Variants in MSH4 observed in about 807,000 individuals in gnomAD.
MSH4 encodes mutS homolog 4.
Under a neutral mutation model 113.7 loss-of-function variants are expected in MSH4, and 106 were observed. The ratio of observed to expected loss-of-function variants is 0.93; its 90% CI spans 0.80 to 1.10. The LOEUF (loss-of-function observed/expected upper bound fraction) is 1.10. Ranked by LOEUF, MSH4 falls within the 50% of genes least tolerant of loss-of-function variation. The pLI, the probability that MSH4 is intolerant of heterozygous loss-of-function variation, is 0.00. For missense variants in MSH4, 1,061 were observed against 1,093.7 expected (o/e 0.97, Z 0.42); for synonymous variants, 368 against 380.2 (o/e 0.97, Z 0.37).
intron 7 of MSH4, 49 bp downstream of exon 7, chr1:75,822,630 A>T (rs776487206): frequency 1.0e-6 from 1 of 963,394 alleles, no homozygotes; most frequent in South Asian, 2.9e-5. Context: ...TGAAAAATAC[A>T]GTTGGCTTAG....
chr1:75,885,459 ATG>A (rs1320896301), intron 15 of MSH4, among the ~76,000 whole-genome samples: 1 of 41,626 alleles, frequency 2.4e-5, no homozygotes, highest in African/African-American at 1.2e-4. Flanking sequence ...ATATATATAT[ATG>A]TATATATACA....
At chr1:75,898,766 A>AT (rs1482409965) in intron 18 of MSH4, among the ~76,000 whole-genome samples, 1 of 152,160 alleles carries the variant, frequency 6.6e-6, no homozygotes, top group Admixed American at 6.6e-5. Flanking sequence ...TGGTCTGTAC[A>AT]TACAAGTTTC....
At chr1:75,860,088 G>A (rs1651418458) in intron 8 of MSH4, among the ~76,000 whole-genome samples, 1 of 151,608 alleles carries the variant, frequency 6.6e-6, no homozygotes, top group Non-Finnish European at 1.5e-5. Flanking sequence ...TGCAACCCCT[G>A]CTTTTTTTTT....
At chr1:75,847,882 A>C (rs1248736375) in intron 7 of MSH4, among the ~76,000 whole-genome samples, 3 of 151,990 alleles carry the variant, frequency 2.0e-5, no homozygotes, top group African/African-American at 4.8e-5. Context: ...TTTCCACTAG[A>C]CTCCACCTAT....
chr1:75,886,318 C>T (rs1486006037), intron 15 of MSH4, among the ~76,000 whole-genome samples: 3 of 17,672 alleles, frequency 1.7e-4, no homozygotes, highest in African/African-American at 1.8e-4. Context: ...TTATATATAG[C>T]ATGTATAGTA....
At chr1:75,805,419 G>A (rs1397546291) in intron 2 of MSH4, among the ~76,000 whole-genome samples, 1 of 128,220 alleles carries the variant, frequency 7.8e-6, no homozygotes, top group African/African-American at 3.0e-5. Flanking sequence ...ACGAAGCCTT[G>A]TTCTATTGCC....
intron 8 of MSH4, among the ~76,000 whole-genome samples, chr1:75,854,480 A>G (rs1020016612): frequency 2.0e-5 from 3 of 152,200 alleles, no homozygotes; most frequent in African/African-American, 7.2e-5. Context: ...CTTCTCTTGC[A>G]TGAATAACCT....
chr1:75,872,925 A>G (rs1651745681), intron 9 of MSH4, among the ~76,000 whole-genome samples: 1 of 152,202 alleles, frequency 6.6e-6, no homozygotes, highest in Non-Finnish European at 1.5e-5. Context: ...TTTTGACATT[A>G]TTGCCTCAGA....
In MSH4 at chr1:75,897,945, C is replaced by G. The variant is rs1652419872; in HGVS notation, c.2394C>G (p.Cys798Trp). The G allele has an allele frequency of 1.3e-6, 2 of 1,591,066 alleles. No homozygotes were observed. Residue 798 changes from cysteine to tryptophan, a missense_variant, in exon 18 of 20, where the codon TGC becomes TGG. Physicochemically the swap from Cys to Trp is radical, Grantham distance 215 (BLOSUM62 -2). Coordinates refer to ENST00000263187, the MANE Select transcript of MSH4 (RefSeq NM_002440.4). ...TLFATHFLEL[C>W]HIDALYPNVE... Reference sequence around the variant, plus strand: ...TTGCTACACATTTCCTGGAACTATGCCATATTGATGCCCTGTATCCTAATG... The same window carrying G: ...TTGCTACACATTTCCTGGAACTATGGCATATTGATGCCCTGTATCCTAATG...
At chr1:75,899,346 T>G (rs1652457747) in intron 18 of MSH4, among the ~76,000 whole-genome samples, 2 of 152,154 alleles carry the variant, frequency 1.3e-5, no homozygotes, top group South Asian at 4.1e-4. Flanking sequence ...TTTCTAACTA[T>G]CTCTTTTGTT....
intron 15 of MSH4, among the ~76,000 whole-genome samples, chr1:75,885,027 ATATGTGTGTGTGTGTG>A (rs1557523416): frequency 1.5e-4 from 18 of 121,288 alleles, no homozygotes; most frequent in Admixed American, 2.6e-4. Context: ...GTATATATAT[ATATGTGTGTGTGTGTG>A]TGTGTGTGTG....
At chr1:75,821,501 G>A (rs1015792445) in intron 6 of MSH4, among the ~76,000 whole-genome samples, 1 of 151,880 alleles carries the variant, frequency 6.6e-6, no homozygotes, top group Admixed American at 6.6e-5. Flanking sequence ...AAGAACTAGA[G>A]AAGCAAGAGC....
rs779429864 is a variant in MSH4 at position 75,807,017 on chromosome 1, C to A, written c.464C>A (p.Ser155Ter). 1 of 1,584,150 alleles carries A rather than the reference C, an allele frequency of 6.3e-7. No homozygotes were observed. Among genetic ancestry groups the A allele is most frequent in the South Asian group, 1.2e-5 (1 of 84,214 alleles). The part of the protein sequence containing the change: ...SSSAISAHSP[S>*]VIVAVVEGRG... The stretch of plus-strand genomic sequence containing the variant: ...TCTGCGATTTCTGCACACTCCCCAT[C>A]AGTTATTGTAGCTGTTGTAGAAGGG... Residue 155 changes from serine to a stop codon, truncating the protein, a stop_gained, in exon 3 of 20, where the codon TCA becomes TAA. Coordinates refer to ENST00000263187, the MANE Select transcript of MSH4 (RefSeq NM_002440.4). LOFTEE classifies it high-confidence loss of function.
At chr1:75,910,792 T>TA (rs937543885) in intron 19 of MSH4, among the ~76,000 whole-genome samples, 2 of 151,842 alleles carry the variant, frequency 1.3e-5, no homozygotes, top group Non-Finnish European at 1.5e-5. Context: ...TATCATCTTC[T>TA]AAAAAAAACT....
rs1369107917 is a variant in MSH4, at chr1:75,815,148, A to G, written c.815+12A>G. 3 of 1,402,466 alleles carry G rather than the reference A, an allele frequency of 2.1e-6. No homozygotes were observed. Among genetic ancestry groups the G allele is most frequent in the Non-Finnish European group, 2.9e-6 (3 of 1,035,206 alleles). 86.9% of individuals were successfully genotyped at this position (1,402,466 alleles called of 1,614,324 possible). On this transcript the variant is annotated intron_variant, in intron 5 of 19. Coordinates refer to ENST00000263187, the MANE Select transcript of MSH4 (RefSeq NM_002440.4). ...GAGGTTCAGTCCAAGTAAGTTATAT[A>G]TTTATTTATTTTTTTACTAGCCCAC...
chr1:75,912,737 T>A lies in MSH4; in HGVS notation c.2661T>A (p.Ala887=). 2 of 1,580,418 alleles carry A rather than the reference T, an allele frequency of 1.3e-6. No individual in the cohort carries two copies. The highest frequency in any genetic ancestry group is 1.7e-6 in the Non-Finnish European group (2 of 1,165,946). ...CCCCTGAGATGGAAAGACAGAGAGCTGTGTACCATCTAGCCACTAGGCTTG... is the reference window on the plus strand; with the variant it reads ...CCCCTGAGATGGAAAGACAGAGAGCAGTGTACCATCTAGCCACTAGGCTTG... ...RSTPEMERQR[A]VYHLATRLVQ... is the part of the protein sequence containing the mutation. Residue 887 remains alanine (A), a synonymous_variant, in exon 20 of 20, where the codon GCT becomes GCA. Transcript: ENST00000263187.
At chr1:75,848,813 A>G (rs1651130267) in intron 8 of MSH4, among the ~76,000 whole-genome samples, 1 of 152,202 alleles carries the variant, frequency 6.6e-6, no homozygotes, top group African/African-American at 2.4e-5. Flanking sequence ...GTTATATATA[A>G]TTTTCAAAAG....
At chr1:75,840,346 A>G (rs1349709046) in intron 7 of MSH4, among the ~76,000 whole-genome samples, 1 of 146,532 alleles carries the variant, frequency 6.8e-6, no homozygotes, top group Non-Finnish European at 1.5e-5. Context: ...GCCATAAAAA[A>G]TGATGAGTTC....
chr1:75,828,973 G>A (rs559024490), intron 7 of MSH4, among the ~76,000 whole-genome samples: 28 of 152,080 alleles, frequency 1.8e-4, no homozygotes, highest in African/African-American at 6.7e-4. Flanking sequence ...ACAGCCCATG[G>A]AGCAGGGCAG....
Sources: allele counts gnomAD v4.1 joint callset (sites outside exome capture counted in the v4.1 genomes callset), GRCh38; gene constraint gnomAD v4.1.1; transcripts MANE v1.5; gene names NCBI Gene and HGNC (gene_info 2026-07-23, HGNC 2026-07-21).